The following OSBP2 variants were observed in gnomAD, a reference collection of about 807,000 sequenced individuals.
The protein encoded by OSBP2 is oxysterol binding protein 2, also known as oxysterol-binding protein 2.
In OSBP2, 66 loss-of-function variants were observed where a neutral mutation model predicts 96.0. The ratio of observed to expected loss-of-function variants is 0.69; its 90% confidence interval spans 0.56 to 0.84. The LOEUF is 0.84. Among genes scored for constraint, OSBP2 ranks in the 40% least tolerant of loss-of-function variants. The probability of loss-of-function intolerance (pLI) is 0.00; values close to 1 mark genes in which losing one functional copy is unlikely to be tolerated. For synonymous variants in OSBP2, 525 were observed against 520.9 expected, an observed-to-expected ratio of 1.01 and a Z score of -0.11; for missense variants, 1,038 against 1,222.7, an observed-to-expected ratio of 0.85 and a Z score of 2.25.
At chr22:30,726,295 A>G (rs911916155) in intron 1 of OSBP2, among the ~76,000 whole-genome samples, 7 of 152,242 alleles carry the variant, frequency 4.6e-5, no homozygotes, top group African/African-American at 1.7e-4. Flanking sequence ...GTGGAATACT[A>G]TGCAGCCATA....
At chr22:30,808,000 G>A (rs919306934) in intron 2 of OSBP2, among the ~76,000 whole-genome samples, 2 of 151,922 alleles carry the variant, frequency 1.3e-5, no homozygotes, top group African/African-American at 4.8e-5. Flanking sequence ...GTGTTGCCTA[G>A]GCTGGTCTGG....
intron 1 of OSBP2, among the ~76,000 whole-genome samples, chr22:30,722,214 C>T (rs2089562879): frequency 1.3e-5 from 2 of 152,202 alleles, no homozygotes; most frequent in African/African-American, 4.8e-5. Context: ...CAAAGTCATT[C>T]AGTGCTGCTG....
chr22:30,848,602 A>G (rs1361861590), intron 2 of OSBP2, among the ~76,000 whole-genome samples: 1 of 152,176 alleles, frequency 6.6e-6, no homozygotes, highest in African/African-American at 2.4e-5. Flanking sequence ...ATCCCCCAAC[A>G]TCTTGCTTTA....
chr22:30,805,097 G>A (rs928659710), intron 2 of OSBP2, among the ~76,000 whole-genome samples: 3 of 152,198 alleles, frequency 2.0e-5, no homozygotes, highest in Non-Finnish European at 4.4e-5. Flanking sequence ...TTCTGTAACT[G>A]AGGAAGATAC....
intron 2 of OSBP2, among the ~76,000 whole-genome samples, chr22:30,766,823 C>T (rs1361911639): frequency 1.3e-5 from 2 of 152,032 alleles, no homozygotes; most frequent in Non-Finnish European, 2.9e-5. Context: ...AACCAGTGCT[C>T]AGTCTGGGAA....
At chr22:30,698,761 G>C (rs1217392725) in intron 1 of OSBP2, among the ~76,000 whole-genome samples, 1 of 151,736 alleles carries the variant, frequency 6.6e-6, no homozygotes, top group Non-Finnish European at 1.5e-5. Flanking sequence ...AGTGAAGCCT[G>C]GTGTTTGGAG....
chr22:30,817,151 GGCTTCAGT>G (rs1355590955), intron 2 of OSBP2, among the ~76,000 whole-genome samples: 1 of 152,172 alleles, frequency 6.6e-6, no homozygotes, highest in Non-Finnish European at 1.5e-5. Flanking sequence ...TTAATTCTCT[GGCTTCAGT>G]GCAGAATCAT....
chr22:30,887,731 G>A, intron 4 of OSBP2, 113 bp downstream of exon 4: 3 of 917,430 alleles, frequency 3.3e-6, no homozygotes, highest in South Asian at 3.4e-5. Context: ...ATGTGGGCTG[G>A]CCTTGGCCAA....
intron 2 of OSBP2, among the ~76,000 whole-genome samples, chr22:30,863,138 C>G (rs1462940743): frequency 6.6e-6 from 1 of 152,154 alleles, no homozygotes; most frequent in Non-Finnish European, 1.5e-5. Context: ...CACCCAGCAA[C>G]TGGGCTGTTC....
At chr22:30,865,502 C>T (rs575163230) in intron 2 of OSBP2, among the ~76,000 whole-genome samples, 1 of 151,988 alleles carries the variant, frequency 6.6e-6, no homozygotes, top group East Asian at 1.9e-4. Context: ...TGTTGTGACG[C>T]ATGCCTGTAA....
At chr22:30,733,634 G>A (rs1306967553) in intron 1 of OSBP2, among the ~76,000 whole-genome samples, 1 of 152,152 alleles carries the variant, frequency 6.6e-6, no homozygotes, top group Admixed American at 6.5e-5. Context: ...GACGGAGGAG[G>A]TGCACCATTC....
chr22:30,898,205 AG>A (rs1412732896), intron 12 of OSBP2, among the ~76,000 whole-genome samples: 4 of 152,228 alleles, frequency 2.6e-5, no homozygotes, highest in Non-Finnish European at 5.9e-5. Context: ...TTTCTTAATT[AG>A]CCAGGCATGA....
chr22:30,881,307 G>A lies in OSBP2; in HGVS notation c.1108-6119G>A, dbSNP rs1369081290. Among the ~76,000 whole-genome samples the A allele has an allele frequency of 6.6e-6, 1 of 152,186 alleles. No homozygotes were observed. Among genetic ancestry groups the A allele is most frequent in the Non-Finnish European group, 1.5e-5 (1 of 68,032 alleles). ...GGTCACAGAATCAGGGACTCTGTAGGAGCCCAGGAGGGCGCCAGGAGATTA... is the reference window on the plus strand; with the variant it reads ...GGTCACAGAATCAGGGACTCTGTAGAAGCCCAGGAGGGCGCCAGGAGATTA... On this transcript the variant is annotated intron_variant, in intron 3 of 13. Transcript: ENST00000332585. The surrounding 1 kb of genome is among the most constrained non-coding windows in gnomAD (Gnocchi z 4.5).
intron 2 of OSBP2, among the ~76,000 whole-genome samples, chr22:30,834,198 TATA>T (rs2038586847): frequency 6.6e-6 from 1 of 152,144 alleles, no homozygotes; most frequent in Non-Finnish European, 1.5e-5. Context: ...TTTACTGCCA[TATA>T]ATATTCCAGT....
intron 1 of OSBP2, among the ~76,000 whole-genome samples, chr22:30,719,724 A>T (rs1479799427): frequency 2.6e-5 from 4 of 151,122 alleles, no homozygotes; most frequent in Non-Finnish European, 4.4e-5. Context: ...ACTGCACTCT[A>T]TCCTGGGCAA....
At chr22:30,824,398 C>G (rs1217193467) in intron 2 of OSBP2, among the ~76,000 whole-genome samples, 2 of 151,908 alleles carry the variant, frequency 1.3e-5, no homozygotes, top group African/African-American at 4.8e-5. Context: ...GTCGGAGACC[C>G]TAGGGGGGAA....
chr22:30,694,222 G>A, upstream of OSBP2: 1 of 1,549,882 alleles, frequency 6.5e-7, no homozygotes, highest in Admixed American at 2.0e-5. Context: ...CCCGAACGAT[G>A]TCGTCACTGG....
In OSBP2 at chr22:30,881,552, G is replaced by C. The variant is rs2039703590; in HGVS notation, c.1108-5874G>C. The stretch of plus-strand genomic sequence containing the variant: ...TTGTCACACAGCCTCAGAGAAATGA[G>C]ACCACGTTCAGGCCTGGGCTGGGTC... On this transcript the variant is annotated intron_variant, in intron 3 of 13. Transcript: ENST00000332585. This position sits in a 1 kb window ranked among gnomAD's most constrained non-coding sequence, Gnocchi z 4.5. 1.4e-6 allele frequency: 1 copy of C among 705,338 alleles called. No individual in the cohort carries two copies. The highest frequency in any genetic ancestry group is 2.0e-6 in the Non-Finnish European group (1 of 489,788). 43.7% of individuals were successfully genotyped at this position (705,338 alleles called of 1,614,324 possible).
chr22:30,822,107 A>C (rs964835448), intron 2 of OSBP2, among the ~76,000 whole-genome samples: 1 of 152,208 alleles, frequency 6.6e-6, no homozygotes, highest in Non-Finnish European at 1.5e-5. Flanking sequence ...CAGCCACGGC[A>C]GCGGGGTCAG....
Sources: gnomAD v4.1 joint callset for allele counts (sites outside exome capture counted in the v4.1 genomes callset) on GRCh38, gnomAD v4.1.1 for gene constraint, Gnocchi (gnomAD v3.1) non-coding constraint, MANE v1.5 for transcripts, NCBI Gene and HGNC (gene_info 2026-07-23, HGNC 2026-07-21) for gene names.